NLRP13: variants seen among roughly 807,000 people sequenced by gnomAD.
NLRP13 encodes the protein NLR family pyrin domain containing 13, also known as NACHT, LRR and PYD domains-containing protein 13.
NLRP13 carries 82 observed loss-of-function variants against 94.4 expected under a neutral mutation model. The ratio of observed to expected loss-of-function variants is 0.87; its 90% confidence interval spans 0.73 to 1.04. NLRP13 has a LOEUF of 1.04. Ranked by LOEUF, NLRP13 falls within the 50% of genes least tolerant of loss-of-function variation. The pLI, the probability that NLRP13 is intolerant of heterozygous loss-of-function variation, is 0.00. For missense variants in NLRP13, 1,426 were observed against 1,230.8 expected, an observed-to-expected ratio of 1.16 and a Z score of -2.37; for synonymous variants, 553 against 464.7, an observed-to-expected ratio of 1.19 and a Z score of -2.45.
intron 9 of NLRP13, among the ~76,000 whole-genome samples, chr19:55,900,466 C>T (rs1254225331): frequency 2.6e-5 from 4 of 152,108 alleles, no homozygotes; most frequent in African/African-American, 2.4e-5. Flanking sequence ...GACAGTGTGA[C>T]GATTCCTCGA....
chr19:55,903,174 T>C (rs116118527), intron 8 of NLRP13, among the ~76,000 whole-genome samples: 2,928 of 152,214 alleles, frequency 0.019, 44 homozygotes, highest in Non-Finnish European at 0.031. Context: ...TTCTACACAT[T>C]GTATCATGAT....
Position 55,913,015 on chromosome 19 carries a change from G to T in NLRP13, c.802C>A (p.Leu268Ile). Residue 268 changes from leucine (L) to isoleucine (I), a missense_variant, in exon 5 of 11, where the codon CTC becomes ATC. By Grantham distance (5) the Leu-to-Ile change is conservative. Coordinates refer to ENST00000342929, the MANE Select transcript of NLRP13 (RefSeq NM_176810.2). ...ATGTACCTTATTTTATGGCAGCTGA[G>T]ATAGAAAACATAGGAGAACCTTTGC... ...FQQRFSYVFY[L>I]SCHKIRYMKE... 1.2e-6 allele frequency: 2 copies of T among 1,614,164 alleles called. No individual in the cohort carries two copies. The highest frequency in any genetic ancestry group is 2.2e-5 in the East Asian group (1 of 44,884).
intron 4 of NLRP13, among the ~76,000 whole-genome samples, chr19:55,918,107 G>T (rs1205534268): frequency 6.6e-6 from 1 of 151,896 alleles, no homozygotes; most frequent in Non-Finnish European, 1.5e-5. Context: ...AATCTCAAGA[G>T]AAACTCCTGA....
intron 6 of NLRP13, among the ~76,000 whole-genome samples, chr19:55,908,460 A>G (rs918791082): frequency 1.3e-5 from 2 of 152,220 alleles, no homozygotes; most frequent in African/African-American, 4.8e-5. Flanking sequence ...TATTATAAAG[A>G]CATATGCACA....
chr19:55,902,295 T>A, intron 8 of NLRP13, 90 bp from the exon 9 acceptor site: 2 of 1,078,502 alleles, frequency 1.9e-6, no homozygotes, highest in Non-Finnish European at 2.7e-6. Context: ...CCTCCGAGCC[T>A]ACACATGCAG....
In NLRP13 at chr19:55,921,076, A is replaced by G. The variant is rs10422933; in HGVS notation, c.523+2838T>C. 6.8e-4 allele frequency among the ~76,000 whole-genome samples: 103 copies of G among 152,296 alleles called. 1 individual carries two copies. The highest frequency in any genetic ancestry group is 2.3e-3 in the African/African-American group (94 of 41,566). On this transcript the variant is annotated intron_variant, in intron 4 of 10. Transcript: ENST00000342929. ...GGAACTAAATCATGTGTACATATGT[A>G]CATATAGAATGGAATAATAGACGTT...
chr19:55,904,638 C>A (rs979608045), intron 8 of NLRP13, among the ~76,000 whole-genome samples: 3 of 152,158 alleles, frequency 2.0e-5, no homozygotes, highest in Non-Finnish European at 4.4e-5. Context: ...TCTGTCATAT[C>A]TACCACCCCA....
chr19:55,912,545 G>T lies in NLRP13; in HGVS notation c.1272C>A (p.Ala424=). ...AACATACGGTCCAACACACCATGGG[G>T]GCACTGCAGGAATGAAAGAGAGTTT... ...KNETLFHSCS[A]PMVCWTVCSC... is the part of the protein sequence containing the mutation. Residue 424 remains alanine (A), a synonymous_variant, in exon 5 of 11, where the codon GCC becomes GCA. Coordinates refer to ENST00000342929, the MANE Select transcript of NLRP13 (RefSeq NM_176810.2). The T allele has an allele frequency of 6.2e-7, 1 of 1,614,082 alleles. No individual in the cohort carries two copies. Among genetic ancestry groups the T allele is most frequent in the Non-Finnish European group, 8.5e-7 (1 of 1,179,988 alleles).
intron 4 of NLRP13, among the ~76,000 whole-genome samples, chr19:55,913,641 A>C (rs1986603005): frequency 6.6e-6 from 1 of 151,816 alleles, no homozygotes; most frequent in Non-Finnish European, 1.5e-5. Context: ...ATAACATAAG[A>C]GCGATCAAGA....
intron 7 of NLRP13, among the ~76,000 whole-genome samples, chr19:55,905,406 C>T (rs1600263257): frequency 6.7e-6 from 1 of 149,388 alleles, no homozygotes. Flanking sequence ...TATATACATA[C>T]ATATATATAC....
In NLRP13 at chr19:55,913,067, C is replaced by T. The variant is rs1370552246; in HGVS notation, c.750G>A (p.Leu250=). The T allele has an allele frequency of 1.9e-6, 3 of 1,614,134 alleles. No homozygotes were observed. The highest frequency in any genetic ancestry group is 2.5e-6 in the Non-Finnish European group (3 of 1,180,024). The change falls in exon 5 of 11, where the codon CTG becomes CTA. Residue 250 remains leucine, a synonymous_variant. Transcript: ENST00000342929. ...GKTTLAMQAM[L]HWANGVLFQQ... is the part of the protein sequence containing the mutation. ...GAAAGAGAACTCCATTTGCCCAGTG[C>T]AGCATAGCCTGCATTGCCAAGGTGG... is the stretch of plus-strand genomic sequence containing the variant.
downstream of NLRP13, chr19:55,895,834 C>T: frequency 8.2e-7 from 1 of 1,224,302 alleles, no homozygotes; most frequent in Non-Finnish European, 1.2e-6. Context: ...TTCCGTTGGC[C>T]TGCATGGCCT....
chr19:55,919,709 CA>C (rs1485188302), intron 4 of NLRP13, among the ~76,000 whole-genome samples: 1 of 151,786 alleles, frequency 6.6e-6, no homozygotes, highest in African/African-American at 2.4e-5. Context: ...TTATGGATGA[CA>C]CAAGTAATGC....
At chr19:55,898,363 A>G (rs1401229740) in intron 10 of NLRP13, among the ~76,000 whole-genome samples, 1 of 151,756 alleles carries the variant, frequency 6.6e-6, no homozygotes, top group Non-Finnish European at 1.5e-5. Context: ...ATGCCCACCT[A>G]TACACCCAGC....
At chr19:55,911,610 A>G (rs1436079) in intron 5 of NLRP13, 96 bp downstream of exon 5, 552,093 of 1,197,874 alleles carry the variant, frequency 0.46, 129,257 homozygotes, top group African/African-American at 0.69. Context: ...GCACGAATAC[A>G]TAACGACAAC....
rs548818000 is a variant in NLRP13 at position 55,930,836 on chromosome 19, A to C, written c.319+1157T>G. Among the ~76,000 whole-genome samples the C allele has an allele frequency of 7.4e-5, 11 of 148,472 alleles. 1 individual carries two copies. The South Asian group carries it at 2.3e-3, about 32-fold the overall frequency. On this transcript the variant is annotated intron_variant, in intron 1 of 10. Transcript: ENST00000342929. ...CTCACCACAGCAGATTACATGGTGC[A>C]CTAAGACCAGACGGCTTACAGGAGA...
chr19:55,903,431 C>G (rs1986245103), intron 8 of NLRP13, among the ~76,000 whole-genome samples: 2 of 152,086 alleles, frequency 1.3e-5, no homozygotes, highest in African/African-American at 2.4e-5. Flanking sequence ...CCCTCTATTC[C>G]ACACCTGCAC....
intron 10 of NLRP13, among the ~76,000 whole-genome samples, chr19:55,897,899 G>T (rs1600257120): frequency 6.6e-6 from 1 of 152,096 alleles, no homozygotes; most frequent in East Asian, 1.9e-4. Context: ...CTGAGCTAAT[G>T]GAACCATTCC....
intron 1 of NLRP13, among the ~76,000 whole-genome samples, chr19:55,925,644 A>T (rs1986949242): frequency 6.6e-6 from 1 of 152,148 alleles, no homozygotes; most frequent in Non-Finnish European, 1.5e-5. Context: ...CACCACTCTG[A>T]ATGTCCCCTT....
Sources: gnomAD v4.1 joint callset for allele counts (sites outside exome capture counted in the v4.1 genomes callset) on GRCh38, gnomAD v4.1.1 for gene constraint, MANE v1.5 for transcripts, NCBI Gene and HGNC (gene_info 2026-07-23, HGNC 2026-07-21) for gene names.